FXYD7: variants seen among roughly 807,000 people sequenced by gnomAD.
The protein encoded by FXYD7 is FXYD domain containing ion transport regulator 7.
In FXYD7, 7 loss-of-function variants were observed where a neutral mutation model predicts 15.3. That is an observed-to-expected ratio of 0.46 (90% CI 0.26 to 0.86). The LOEUF (loss-of-function observed/expected upper bound fraction) is 0.86. Among genes scored for constraint, FXYD7 ranks in the 40% least tolerant of loss-of-function variants. FXYD7 has a pLI of 0.16. For synonymous variants in FXYD7, 39 were observed against 39.3 expected (o/e 0.99, Z 0.03); for missense variants, 78 against 100.6 (o/e 0.78, Z 0.96).
chr19:35,152,940 TAAAAAAAAAAAAAA>T (rs534802680), intron 5 of FXYD7, among the ~76,000 whole-genome samples: 3 of 105,908 alleles, frequency 2.8e-5, no homozygotes, highest in Non-Finnish European at 3.8e-5. Context: ...TTCTTATAAC[TAAAAAAAAAAAAAA>T]AAAAAAAAAA....
Position 35,143,417 on chromosome 19 carries a change from TAGG to T in FXYD7, c.31+56_31+58del. On this transcript the variant is annotated intron_variant, in intron 1 of 5. Coordinates refer to ENST00000270310, the MANE Select transcript of FXYD7 (RefSeq NM_022006.2). This position sits in a 1 kb window ranked among gnomAD's most constrained non-coding sequence, Gnocchi z 4.3. ...AGGGGGGCTCCGGGATCTGAGAGCC[TAGG>T]AGAGAGGGTGTCGGGAGATTCAAGC... 1 of 1,340,578 alleles carries T rather than the reference TAGG, an allele frequency of 7.5e-7. No homozygotes were observed. 83.0% of individuals were successfully genotyped at this position (1,340,578 alleles called of 1,614,324 possible). A position where few individuals can be genotyped will look rare whatever the true frequency, so the allele number is the denominator to read the frequency against.
intron 1 of FXYD7, among the ~76,000 whole-genome samples, chr19:35,147,550 T>C (rs2065292755): frequency 1.3e-5 from 2 of 152,232 alleles, no homozygotes; most frequent in Admixed American, 6.5e-5. Flanking sequence ...TTTATCCACA[T>C]GTGAACATTT....
In FXYD7 at chr19:35,143,513, G is replaced by A. The variant is rs886666139; in HGVS notation, c.31+149G>A. 1.6e-6 allele frequency: 1 copy of A among 629,186 alleles called. No individual in the cohort carries two copies. Among genetic ancestry groups the A allele is most frequent in the Non-Finnish European group, 2.5e-6 (1 of 395,404 alleles). The allele number at this position is 629,186 out of a possible 1,614,324, so 39.0% of individuals were successfully genotyped here. On this transcript the variant is annotated intron_variant, in intron 1 of 5. Coordinates refer to ENST00000270310, the MANE Select transcript of FXYD7 (RefSeq NM_022006.2). This position sits in a 1 kb window ranked among gnomAD's most constrained non-coding sequence, Gnocchi z 4.3. Reference sequence around the variant, plus strand: ...CTGTGGGCGGAAGCCCCTGTAATGCGCCCCCCCGATCGCCCCTCCGGGTCT... The same window carrying A: ...CTGTGGGCGGAAGCCCCTGTAATGCACCCCCCCGATCGCCCCTCCGGGTCT...
chr19:35,149,708 A>G (rs1001820342), intron 2 of FXYD7: 1 of 152,398 alleles, frequency 6.6e-6, no homozygotes, highest in African/African-American at 2.4e-5. Context: ...GAATTCAAGA[A>G]TGCAAGAATT....
At chr19:35,145,096 C>T (rs1251040154) in intron 1 of FXYD7, among the ~76,000 whole-genome samples, 3 of 152,002 alleles carry the variant, frequency 2.0e-5, no homozygotes, top group East Asian at 1.9e-4. Flanking sequence ...GCAGGGGCAA[C>T]GGCAGGAGGT....
chr19:35,147,417 C>T (rs1046567654), intron 1 of FXYD7, among the ~76,000 whole-genome samples: 3 of 152,120 alleles, frequency 2.0e-5, no homozygotes, highest in African/African-American at 7.2e-5. Context: ...CAGAGGCATT[C>T]GAGAACCATC....
At chr19:35,152,464 C>T (rs1036795754) in intron 5 of FXYD7, among the ~76,000 whole-genome samples, 2 of 137,646 alleles carry the variant, frequency 1.5e-5, no homozygotes, top group Non-Finnish European at 3.1e-5. Flanking sequence ...ATGAAATAGC[C>T]GAGGAAGCGG....
intron 1 of FXYD7, among the ~76,000 whole-genome samples, chr19:35,144,492 C>T (rs778314607): frequency 2.6e-4 from 39 of 152,196 alleles, no homozygotes; most frequent in Non-Finnish European, 4.6e-4. Flanking sequence ...GCAAGGGTCT[C>T]CAGCACTGAG....
Position 35,153,981 on chromosome 19 carries a change from G to A in FXYD7, c.*65G>A, listed in dbSNP as rs1051174022. The A allele has an allele frequency of 4.4e-5, 67 of 1,528,588 alleles. No homozygotes were observed. The highest frequency in any genetic ancestry group is 5.9e-5 in the Non-Finnish European group (66 of 1,109,814). 94.7% of individuals were successfully genotyped at this position (1,528,588 alleles called of 1,614,324 possible). A position where few individuals can be genotyped will look rare whatever the true frequency, so the allele number is the denominator to read the frequency against. On this transcript the variant is annotated 3_prime_UTR_variant, in exon 6 of 6. Coordinates refer to ENST00000270310, the MANE Select transcript of FXYD7 (RefSeq NM_022006.2). The stretch of plus-strand genomic sequence containing the variant: ...CGCGGGAGCCTGAGGACCGGGTGGA[G>A]GCGGTGGGGACCCAGCCGCGCGCCG...
intron 1 of FXYD7, among the ~76,000 whole-genome samples, chr19:35,146,113 A>G (rs759357541): frequency 1.7e-4 from 26 of 151,852 alleles, no homozygotes; most frequent in African/African-American, 3.1e-4. Context: ...GCTTTATTTT[A>G]TAGCACCATC....
intron 5 of FXYD7, among the ~76,000 whole-genome samples, chr19:35,152,742 T>C (rs2065316123): frequency 6.6e-6 from 1 of 150,822 alleles, no homozygotes; most frequent in South Asian, 2.1e-4. Context: ...GGAGAATGGG[T>C]GTAAGCATGG....
chr19:35,148,802 G>T, intron 2 of FXYD7, 79 bp downstream of exon 2: 1 of 1,282,984 alleles, frequency 7.8e-7, no homozygotes, highest in Non-Finnish European at 1.1e-6. Flanking sequence ...CATGGCTTCA[G>T]CTGTGGCCAC....
intron 1 of FXYD7, among the ~76,000 whole-genome samples, chr19:35,147,204 C>T (rs895304028): frequency 1.3e-5 from 2 of 152,180 alleles, no homozygotes; most frequent in Non-Finnish European, 2.9e-5. Context: ...AGTGACAATG[C>T]ACTTCTACTC....
rs756733652 is a variant in FXYD7 at position 35,153,943 on chromosome 19, G to A, written c.*27G>A. ...ACCTTCCCGAGGAAACTCCGCTGCCGACCCTGCCTGAGCGCGGGAGCCTGA... is the reference window on the plus strand; with the variant it reads ...ACCTTCCCGAGGAAACTCCGCTGCCAACCCTGCCTGAGCGCGGGAGCCTGA... On this transcript the variant is annotated 3_prime_UTR_variant, in exon 6 of 6. Transcript: ENST00000270310. The A allele has an allele frequency of 3.1e-6, 5 of 1,608,934 alleles. No individual in the cohort carries two copies. The highest frequency in any genetic ancestry group is 4.2e-6 in the Non-Finnish European group (5 of 1,177,140).
At chr19:35,144,715 G>A (rs988152317) in intron 1 of FXYD7, among the ~76,000 whole-genome samples, 73 of 152,226 alleles carry the variant, frequency 4.8e-4, no homozygotes, top group African/African-American at 1.6e-3. Context: ...CAGGCCTGGC[G>A]GGAGCCCAGG....
At position 35,153,033 on chromosome 19, in the gene FXYD7, C is replaced by CTTTGTTTTT. The variant is rs1555737607; in HGVS notation, c.221-858_221-857insGTTTTTTTT. Reference sequence around the variant, plus strand: ...TTGGTGTGGAATTTGTTTCACGTTCCTTTTTTTTTTTTTTTTTTTTTTTTT... The same window carrying CTTTGTTTTT: ...TTGGTGTGGAATTTGTTTCACGTTCCTTTGTTTTTTTTTTTTTTTTTTTTTTTTTTTTTT... On this transcript the variant is annotated intron_variant, in intron 5 of 5. Transcript: ENST00000270310. Among the ~76,000 whole-genome samples, 71 of 44,132 alleles carry CTTTGTTTTT rather than the reference C, an allele frequency of 1.6e-3. 5 individuals are homozygous for CTTTGTTTTT. The highest frequency in any genetic ancestry group is 2.8e-3 in the African/African-American group (27 of 9,630). 29.0% of individuals were successfully genotyped at this position (44,132 alleles called of 152,430 possible).
At chr19:35,147,362 C>T (rs1398434782) in intron 1 of FXYD7, among the ~76,000 whole-genome samples, 1 of 152,196 alleles carries the variant, frequency 6.6e-6, no homozygotes, top group Non-Finnish European at 1.5e-5. Context: ...AGACAGTCTG[C>T]TGCCAAATTC....
In FXYD7 at chr19:35,154,018, C is replaced by T. The variant is rs1429968732; in HGVS notation, c.*102C>T. Reference sequence around the variant, plus strand: ...CCAGCCGCGCGCCGGGAGCGCTCCCCGGAATGAGCCGCCCCACCCACCCCA... The same window carrying T: ...CCAGCCGCGCGCCGGGAGCGCTCCCTGGAATGAGCCGCCCCACCCACCCCA... On this transcript the variant is annotated 3_prime_UTR_variant, in exon 6 of 6. Transcript: ENST00000270310. 1.4e-5 allele frequency: 15 copies of T among 1,075,218 alleles called. 1 individual carries two copies. The highest frequency in any genetic ancestry group is 5.3e-5 in the South Asian group (4 of 74,944). The allele number at this position is 1,075,218 out of a possible 1,614,324, so 66.6% of individuals were successfully genotyped here. A position where few individuals can be genotyped will look rare whatever the true frequency, so the allele number is the denominator to read the frequency against.
At position 35,154,289 on chromosome 19, in the gene FXYD7, G is replaced by A. The variant is rs569117445; in HGVS notation, c.*373G>A. On this transcript the variant is annotated 3_prime_UTR_variant, in exon 6 of 6. Transcript: ENST00000270310. ...TCTTGAGCTTAATAAATGTGCATTT[G>A]GTTTTTTCCTCTGTTCTGTCTGTGT... The A allele has an allele frequency of 1.2e-5, 4 of 328,688 alleles. No homozygotes were observed. Among genetic ancestry groups the A allele is most frequent in the African/African-American group, 8.8e-5 (4 of 45,262 alleles). 20.4% of individuals were successfully genotyped at this position (328,688 alleles called of 1,614,324 possible).
Sources: gnomAD v4.1 joint callset for allele counts (sites outside exome capture counted in the v4.1 genomes callset) on GRCh38, gnomAD v4.1.1 for gene constraint, Gnocchi (gnomAD v3.1) non-coding constraint, MANE v1.5 for transcripts, NCBI Gene and HGNC (gene_info 2026-07-23, HGNC 2026-07-21) for gene names.